KIAA0825: variants seen among roughly 807,000 people sequenced by gnomAD.
The protein encoded by KIAA0825 is KIAA0825, also known as uncharacterized protein KIAA0825.
A neutral mutation model predicts 147.6 loss-of-function variants in KIAA0825; 119 were observed. The ratio of observed to expected loss-of-function variants is 0.81; its 90% confidence interval spans 0.69 to 0.94. The LOEUF (loss-of-function observed/expected upper bound fraction) is 0.94, where lower values mean the gene tolerates loss of function less well. KIAA0825 is among the 40% of genes least tolerant of loss of function. The pLI is 0.00. For synonymous variants in KIAA0825, 470 were observed against 518.1 expected (o/e 0.91, Z 1.26); for missense variants, 1,381 against 1,472.7 (o/e 0.94, Z 1.02).
intron 20 of KIAA0825, among the ~76,000 whole-genome samples, chr5:94,297,959 C>T (rs941098663): frequency 2.0e-5 from 3 of 147,188 alleles, no homozygotes; most frequent in Non-Finnish European, 4.5e-5. Context: ...TATAGAGTGG[C>T]GGGTGTGCTG....
intron 2 of KIAA0825, among the ~76,000 whole-genome samples, chr5:94,559,938 A>AT (rs1359254498): frequency 6.6e-6 from 1 of 152,220 alleles, no homozygotes; most frequent in East Asian, 1.9e-4. Context: ...ACATGCATCC[A>AT]TAAAGAATCT....
At chr5:94,479,119 C>T (rs1340178647) in intron 6 of KIAA0825, among the ~76,000 whole-genome samples, 1 of 152,070 alleles carries the variant, frequency 6.6e-6, no homozygotes, top group African/African-American at 2.4e-5. Flanking sequence ...CTACAGTTTA[C>T]ATTAGGGTTC....
chr5:94,529,206 A>ATATCATATATATGTATG (rs1444463358), intron 3 of KIAA0825, among the ~76,000 whole-genome samples: 2 of 129,268 alleles, frequency 1.5e-5, no homozygotes, highest in African/African-American at 3.2e-5. Context: ...AGTAGTATAT[A>ATATCATATATATGTATG]TATCATATAT....
intron 14 of KIAA0825, among the ~76,000 whole-genome samples, chr5:94,430,152 C>G (rs1188061971): frequency 1.3e-5 from 2 of 152,112 alleles, no homozygotes; most frequent in Non-Finnish European, 2.9e-5. Context: ...TAGAGAGGGT[C>G]CCCTTGCACC....
intron 20 of KIAA0825, among the ~76,000 whole-genome samples, chr5:94,225,646 C>G (rs560758685): frequency 1.3e-4 from 20 of 152,138 alleles, no homozygotes; most frequent in South Asian, 2.1e-4. Flanking sequence ...AGGAAGTTGG[C>G]TCTTAGCAGG....
chr5:94,315,982 T>C (rs1779621289), intron 20 of KIAA0825, among the ~76,000 whole-genome samples: 1 of 151,736 alleles, frequency 6.6e-6, no homozygotes, highest in Non-Finnish European at 1.5e-5. Flanking sequence ...CCAGTCACAA[T>C]AATAAAATCA....
chr5:94,473,286 A>G lies in KIAA0825; in HGVS notation c.1455+6T>C. 1 of 1,549,318 alleles carries G rather than the reference A, an allele frequency of 6.5e-7. No individual in the cohort carries two copies. Among genetic ancestry groups the G allele is most frequent in the Middle Eastern group, 1.7e-4 (1 of 5,988 alleles). ...TCAGCAGTTTGAAAGGATTTCATATACTTGCTTTTCCAATTTTCTTTGGTT... is the reference window on the plus strand; with the variant it reads ...TCAGCAGTTTGAAAGGATTTCATATGCTTGCTTTTCCAATTTTCTTTGGTT... On this transcript the variant is annotated splice_donor_region_variant and intron_variant, in intron 8 of 20. Transcript: ENST00000682413.
intron 1 of KIAA0825, among the ~76,000 whole-genome samples, chr5:94,601,493 C>T (rs943320811): frequency 3.3e-5 from 5 of 152,202 alleles, no homozygotes; most frequent in African/African-American, 4.8e-5. Flanking sequence ...AGAGTGCATT[C>T]TCTCCTTCAA....
intron 1 of KIAA0825, chr5:94,592,903 T>C: frequency 1.7e-6 from 1 of 586,780 alleles, no homozygotes; most frequent in South Asian, 1.6e-5. Context: ...GATGAATAAG[T>C]GTATAGATGA....
At position 94,332,418 on chromosome 5, in the gene KIAA0825, C is replaced by T. The variant is rs185006059; in HGVS notation, c.3710+51950G>A. Among the ~76,000 whole-genome samples, 115 of 152,136 alleles carry T rather than the reference C, an allele frequency of 7.6e-4. No individual in the cohort carries two copies. In the East Asian group the frequency reaches 0.011, roughly 15 times the overall value. Reference sequence around the variant, plus strand: ...AGGCCCTGGTGTGTGACATTTCCCTCGCTGTGCCCATATGTTCTCATTGTT... The same window carrying T: ...AGGCCCTGGTGTGTGACATTTCCCTTGCTGTGCCCATATGTTCTCATTGTT... On this transcript the variant is annotated intron_variant, in intron 20 of 20. Transcript: ENST00000682413.
At chr5:94,211,506 C>T (rs1482648557) in intron 20 of KIAA0825, among the ~76,000 whole-genome samples, 2 of 152,112 alleles carry the variant, frequency 1.3e-5, no homozygotes, top group Non-Finnish European at 2.9e-5. Context: ...GGTCAGTGTT[C>T]CTTGCTCTAG....
At chr5:94,241,392 A>T (rs1346137183) in intron 20 of KIAA0825, among the ~76,000 whole-genome samples, 1 of 152,202 alleles carries the variant, frequency 6.6e-6, no homozygotes, top group Non-Finnish European at 1.5e-5. Context: ...TCACGACAGG[A>T]TCAAAGCCTC....
chr5:94,226,153 A>T (rs1774143491), intron 20 of KIAA0825, among the ~76,000 whole-genome samples: 1 of 152,242 alleles, frequency 6.6e-6, no homozygotes, highest in African/African-American at 2.4e-5. Flanking sequence ...CAAAGAACTT[A>T]AACAAATTTA....
At chr5:94,332,692 C>A (rs931076434) in intron 20 of KIAA0825, among the ~76,000 whole-genome samples, 3 of 152,138 alleles carry the variant, frequency 2.0e-5, no homozygotes, top group Non-Finnish European at 4.4e-5. Flanking sequence ...CATACGTGTG[C>A]ATGTGTCTTT....
intron 2 of KIAA0825, among the ~76,000 whole-genome samples, chr5:94,562,985 T>G (rs1255307672): frequency 6.6e-6 from 1 of 152,126 alleles, no homozygotes; most frequent in Non-Finnish European, 1.5e-5. Flanking sequence ...ATAAAACAGT[T>G]AAAATTTTAC....
intron 3 of KIAA0825, among the ~76,000 whole-genome samples, chr5:94,525,558 T>C (rs1432425876): frequency 6.6e-6 from 1 of 151,942 alleles, no homozygotes; most frequent in Non-Finnish European, 1.5e-5. Flanking sequence ...AGAGATTGGC[T>C]TGTATTTTCT....
intron 20 of KIAA0825, among the ~76,000 whole-genome samples, chr5:94,312,647 G>A (rs1779290816): frequency 6.6e-6 from 1 of 151,684 alleles, no homozygotes; most frequent in Non-Finnish European, 1.5e-5. Context: ...ACAGTCATCG[G>A]CATGTTTTGT....
At chr5:94,519,955 A>G (rs1395999642) in intron 5 of KIAA0825, 4 of 985,368 alleles carry the variant, frequency 4.1e-6, no homozygotes, top group African/African-American at 3.4e-5. Flanking sequence ...GTGTATACAC[A>G]CAGTTTCACA....
intron 15 of KIAA0825, among the ~76,000 whole-genome samples, chr5:94,405,887 T>G (rs1158121471): frequency 6.6e-6 from 1 of 152,146 alleles, no homozygotes; most frequent in Non-Finnish European, 1.5e-5. Context: ...CTTCTGACTC[T>G]CCCTTTTCTA....
Sources: gnomAD v4.1 joint callset for allele counts (sites outside exome capture counted in the v4.1 genomes callset) on GRCh38, gnomAD v4.1.1 for gene constraint, MANE v1.5 for transcripts, NCBI Gene and HGNC (gene_info 2026-07-23, HGNC 2026-07-21) for gene names.